The following EHBP1 variants were observed in gnomAD, a reference collection of about 807,000 sequenced individuals.
The protein encoded by EHBP1 is EH domain-binding protein 1.
Under a neutral mutation model 144.0 loss-of-function variants are expected in EHBP1, and 55 were observed. The observed-to-expected ratio is 0.38, with a 90% CI of 0.31 to 0.48. EHBP1 has a LOEUF of 0.48. Among genes scored for constraint, EHBP1 ranks in the 20% least tolerant of loss-of-function variants. The pLI is 0.98. For missense variants in EHBP1, 1,200 were observed against 1,364.2 expected (o/e 0.88, Z 1.90); for synonymous variants, 469 against 472.7 (o/e 0.99, Z 0.10).
intron 5 of EHBP1, among the ~76,000 whole-genome samples, chr2:62,776,459 C>A (rs938806826): frequency 6.6e-6 from 1 of 152,068 alleles, no homozygotes; most frequent in African/African-American, 2.4e-5. Context: ...TTATAATGTT[C>A]CTTTCTAGAG....
intron 8 of EHBP1, among the ~76,000 whole-genome samples, chr2:62,862,691 T>C (rs2049676016): frequency 6.6e-6 from 1 of 152,234 alleles, no homozygotes; most frequent in African/African-American, 2.4e-5. Context: ...GTTTGAAATG[T>C]CACTTAGGAA....
At chr2:62,679,660 A>G (rs763233375) in intron 1 of EHBP1, among the ~76,000 whole-genome samples, 1 of 152,214 alleles carries the variant, frequency 6.6e-6, no homozygotes, top group Non-Finnish European at 1.5e-5. Context: ...TCTCAACGGT[A>G]ATAAAAGACT....
intron 7 of EHBP1, among the ~76,000 whole-genome samples, chr2:62,858,185 T>C (rs556013140): frequency 5.9e-4 from 90 of 152,336 alleles, no homozygotes; most frequent in African/African-American, 1.9e-3. Context: ...GTTACTAGTA[T>C]ACATTTTAAC....
chr2:62,682,837 G>A (rs2033577507), intron 1 of EHBP1, among the ~76,000 whole-genome samples: 1 of 152,128 alleles, frequency 6.6e-6, no homozygotes, highest in South Asian at 2.1e-4. Context: ...ATTAGTAACA[G>A]TAAGCCCACT....
chr2:62,771,436 T>C, intron 5 of EHBP1, 44 bp downstream of exon 5: 3 of 1,451,226 alleles, frequency 2.1e-6, no homozygotes, highest in Non-Finnish European at 2.8e-6. Context: ...TTTTCAACTT[T>C]ATATATGCAT....
intron 19 of EHBP1, among the ~76,000 whole-genome samples, chr2:63,036,213 T>G (rs1298136495): frequency 6.6e-6 from 1 of 152,070 alleles, no homozygotes; most frequent in Non-Finnish European, 1.5e-5. Context: ...ATGCTCATAA[T>G]TTATGCAAGC....
At chr2:62,948,125 G>A in intron 12 of EHBP1, 135 bp from the exon 13 acceptor site, 1 of 654,550 alleles carries the variant, frequency 1.5e-6, no homozygotes, top group African/African-American at 1.9e-5. Flanking sequence ...TCTGACTTTT[G>A]GAAATTTGTT....
intron 2 of EHBP1, among the ~76,000 whole-genome samples, chr2:62,746,255 C>T (rs1482665009): frequency 6.6e-6 from 1 of 152,072 alleles, no homozygotes; most frequent in South Asian, 2.1e-4. Flanking sequence ...CTGTGTTGAA[C>T]AAGGTGTTTT....
chr2:62,876,721 A>G (rs1432654635), intron 10 of EHBP1, among the ~76,000 whole-genome samples: 7 of 152,200 alleles, frequency 4.6e-5, no homozygotes, highest in South Asian at 4.1e-4. Context: ...CACATCTTAC[A>G]TGGTGGGAGC....
intron 1 of EHBP1, among the ~76,000 whole-genome samples, chr2:62,675,672 G>A (rs1321546344): frequency 3.3e-5 from 5 of 152,262 alleles, no homozygotes; most frequent in African/African-American, 1.2e-4. Flanking sequence ...TGCAAAAAAA[G>A]GCCACATAGA....
At chr2:62,768,748 C>T (rs758843860) in intron 4 of EHBP1, among the ~76,000 whole-genome samples, 56 of 152,208 alleles carry the variant, frequency 3.7e-4, no homozygotes, top group Non-Finnish European at 6.8e-4. Flanking sequence ...TGATGAACAT[C>T]GATGCAAGAA....
intron 19 of EHBP1, among the ~76,000 whole-genome samples, chr2:63,016,458 C>A (rs1454766870): frequency 6.6e-6 from 1 of 151,624 alleles, no homozygotes; most frequent in African/African-American, 2.4e-5. Flanking sequence ...GGAATGGAGT[C>A]TCGTTCTTGT....
chr2:62,990,988 T>C, intron 16 of EHBP1, 148 bp downstream of exon 16: 4 of 994,332 alleles, frequency 4.0e-6, no homozygotes, highest in Non-Finnish European at 5.7e-6. Context: ...TGAGGTGTGG[T>C]GGCTCATGCC....
At chr2:62,897,456 G>GTGAGTCAAAGTATAAAA (rs2053033224) in intron 10 of EHBP1, among the ~76,000 whole-genome samples, 2 of 152,270 alleles carry the variant, frequency 1.3e-5, no homozygotes, top group Admixed American at 1.3e-4. Context: ...ATTTTCTGAA[G>GTGAGTCAAAGTATAAAA]TGAGTCAAAG....
intron 3 of EHBP1, among the ~76,000 whole-genome samples, chr2:62,750,241 G>T (rs763095111): frequency 8.5e-5 from 13 of 152,144 alleles, no homozygotes; most frequent in South Asian, 2.1e-4. Flanking sequence ...TAAATAGGGA[G>T]TCCTTTCCCC....
chr2:62,770,206 G>C (rs1050045129), intron 4 of EHBP1, among the ~76,000 whole-genome samples: 1 of 151,974 alleles, frequency 6.6e-6, no homozygotes, highest in Non-Finnish European at 1.5e-5. Flanking sequence ...ACAGCAAAAG[G>C]AACTATCAAC....
At chr2:62,810,883 A>T (rs960047978) in intron 5 of EHBP1, among the ~76,000 whole-genome samples, 1 of 152,202 alleles carries the variant, frequency 6.6e-6, no homozygotes, top group Admixed American at 6.5e-5. Flanking sequence ...AGGGGAAGGG[A>T]TTCATATAAA....
intron 1 of EHBP1, among the ~76,000 whole-genome samples, chr2:62,696,674 C>T (rs887267051): frequency 4.0e-5 from 6 of 151,354 alleles, no homozygotes; most frequent in Non-Finnish European, 8.8e-5. Context: ...CCACCAGGCC[C>T]GGCTAATTTT....
At chr2:62,698,084 GCAAA>G (rs1054674769) in intron 1 of EHBP1, among the ~76,000 whole-genome samples, 1 of 152,304 alleles carries the variant, frequency 6.6e-6, no homozygotes, top group Non-Finnish European at 1.5e-5. Flanking sequence ...AAGACACATG[GCAAA>G]CAAACTGATT....
Sources: gnomAD v4.1 joint callset for allele counts (sites outside exome capture counted in the v4.1 genomes callset) on GRCh38, gnomAD v4.1.1 for gene constraint, MANE v1.5 for transcripts, NCBI Gene and HGNC (gene_info 2026-07-23, HGNC 2026-07-21) for gene names.